VPS13B: variants seen among roughly 807,000 people sequenced by gnomAD.
VPS13B encodes the protein vacuolar protein sorting 13 homolog B, also known as intermembrane lipid transfer protein VPS13B.
VPS13B carries 285 observed loss-of-function variants against 426.4 expected under a neutral mutation model. The observed-to-expected ratio is 0.67, with a 90% CI of 0.61 to 0.74. The LOEUF (loss-of-function observed/expected upper bound fraction) is 0.74. Ranked by LOEUF, VPS13B falls within the 30% of genes least tolerant of loss-of-function variation. The probability of loss-of-function intolerance (pLI) is 0.00; values close to 1 mark genes in which losing one functional copy is unlikely to be tolerated. For synonymous variants in VPS13B, 1,676 were observed against 1,676.4 expected (o/e 1.00, Z 0.01); for missense variants, 4,537 against 4,782.6 (o/e 0.95, Z 1.51).
rs1428891598 is a variant in VPS13B, at chr8:99,717,332, A to G, written c.6616A>G (p.Ile2206Val). The stretch of plus-strand genomic sequence containing the variant: ...CGGGAATCCAGGCCCAGAACAATCC[A>G]TACCAAAAATATCCATTGACTTAAG... ...HSGNPGPEQS[I>V]PKISIDLRGG... Residue 2206 changes from isoleucine to valine, a missense_variant, in exon 37 of 62, where the codon ATA becomes GTA. By Grantham distance (29) the Ile-to-Val change is conservative (BLOSUM62 3). This residue lies in a region of VPS13B where 4,311 missense variants were observed against 4,474.3 expected (regional missense o/e 0.96). Coordinates refer to ENST00000357162, the MANE Select transcript of VPS13B (RefSeq NM_152564.5). 7.4e-6 allele frequency: 12 copies of G among 1,614,106 alleles called. No homozygotes were observed. Among genetic ancestry groups the G allele is most frequent in the Non-Finnish European group, 1.0e-5 (12 of 1,179,988 alleles).
intron 3 of VPS13B, among the ~76,000 whole-genome samples, chr8:99,083,123 C>A (rs1217043379): frequency 6.6e-6 from 1 of 152,106 alleles, no homozygotes; most frequent in Non-Finnish European, 1.5e-5. Context: ...TTGTTTGTAT[C>A]CTCTTTTATT....
intron 36 of VPS13B, among the ~76,000 whole-genome samples, chr8:99,707,695 A>T (rs1290591411): frequency 6.6e-6 from 1 of 152,200 alleles, no homozygotes; most frequent in African/African-American, 2.4e-5. Context: ...TACCTCATGG[A>T]CCACCATTAC....
chr8:99,855,561 A>C (rs1816503802), intron 56 of VPS13B, among the ~76,000 whole-genome samples: 1 of 152,176 alleles, frequency 6.6e-6, no homozygotes, highest in South Asian at 2.1e-4. Context: ...CTTTCCAATA[A>C]AGAACATGGA....
At chr8:99,120,607 A>G (rs1006281447) in intron 7 of VPS13B, 1 of 152,232 alleles carries the variant, frequency 6.6e-6, no homozygotes, top group African/African-American at 2.4e-5. Context: ...AGGCCCCAAC[A>G]TTATTATTTT....
At chr8:99,376,444 G>T (rs1813491976) in intron 19 of VPS13B, among the ~76,000 whole-genome samples, 1 of 152,016 alleles carries the variant, frequency 6.6e-6, no homozygotes, top group African/African-American at 2.4e-5. Flanking sequence ...TTTTAAGGCT[G>T]GCTGTAAGTC....
chr8:99,160,931 C>G (rs566873719), intron 15 of VPS13B, among the ~76,000 whole-genome samples: 6 of 152,070 alleles, frequency 3.9e-5, no homozygotes, highest in Non-Finnish European at 5.9e-5. Flanking sequence ...TTTTGCAAAG[C>G]CTTTTTTCTC....
chr8:99,643,893 T>G (rs894241543), intron 34 of VPS13B, among the ~76,000 whole-genome samples: 6 of 152,202 alleles, frequency 3.9e-5, no homozygotes. Flanking sequence ...GCTGGTATAG[T>G]GGAACATGTT....
At chr8:99,509,189 A>C (rs1167286264) in intron 28 of VPS13B, among the ~76,000 whole-genome samples, 1 of 152,114 alleles carries the variant, frequency 6.6e-6, no homozygotes, top group African/African-American at 2.4e-5. Flanking sequence ...ATCCTTCTCC[A>C]TCTGTTATTG....
At chr8:99,664,767 G>A (rs1339694013) in intron 35 of VPS13B, among the ~76,000 whole-genome samples, 18 of 152,034 alleles carry the variant, frequency 1.2e-4, no homozygotes, top group Non-Finnish European at 2.2e-4. Context: ...GAATAGTGCC[G>A]CAATAAACAT....
intron 17 of VPS13B, among the ~76,000 whole-genome samples, chr8:99,198,022 A>T (rs1242516131): frequency 2.6e-5 from 4 of 152,180 alleles, no homozygotes; most frequent in African/African-American, 7.2e-5. Flanking sequence ...GGTAAAATCC[A>T]CTTAATTACA....
chr8:99,755,029 C>T (rs192490572), intron 39 of VPS13B, among the ~76,000 whole-genome samples: 96 of 152,142 alleles, frequency 6.3e-4, no homozygotes, highest in African/African-American at 2.3e-3. Flanking sequence ...AAAGGAAAAA[C>T]GGGAATGAGA....
intron 17 of VPS13B, among the ~76,000 whole-genome samples, chr8:99,209,336 A>G (rs979317079): frequency 2.0e-5 from 3 of 151,950 alleles, no homozygotes; most frequent in Non-Finnish European, 4.4e-5. Flanking sequence ...TATACTACAC[A>G]ATTCCAAATT....
intron 30 of VPS13B, among the ~76,000 whole-genome samples, chr8:99,532,436 G>A (rs920678177): frequency 6.6e-6 from 1 of 152,058 alleles, no homozygotes; most frequent in Non-Finnish European, 1.5e-5. Flanking sequence ...CTTCTGAAAG[G>A]TGTACCCTGT....
At chr8:99,750,113 G>C (rs964301533) in intron 39 of VPS13B, among the ~76,000 whole-genome samples, 1 of 151,852 alleles carries the variant, frequency 6.6e-6, no homozygotes, top group Non-Finnish European at 1.5e-5. Flanking sequence ...TGTTTGAAAT[G>C]GTTTATATTT....
intron 19 of VPS13B, among the ~76,000 whole-genome samples, chr8:99,320,716 C>G (rs1001223397): frequency 5.3e-5 from 8 of 152,084 alleles, no homozygotes; most frequent in African/African-American, 1.9e-4. Flanking sequence ...AGTATTTTAT[C>G]CCAAATAGAT....
chr8:99,513,089 A>G (rs1821880795), intron 29 of VPS13B, among the ~76,000 whole-genome samples: 1 of 151,482 alleles, frequency 6.6e-6, no homozygotes, highest in Non-Finnish European at 1.5e-5. Flanking sequence ...GAAGTTTTAT[A>G]TCTAGATAAA....
At position 99,148,104 on chromosome 8, in the gene VPS13B, A is replaced by T. The variant is rs1351955723; in HGVS notation, c.2013+94A>T. ...ACTGAAAGAATATCTGCAGCCGGGC[A>T]CAGTGGCTTGAGTGTGTAATCCTGG... On this transcript the variant is annotated intron_variant, in intron 14 of 61. Coordinates refer to ENST00000357162, the MANE Select transcript of VPS13B (RefSeq NM_152564.5). 3.6e-6 allele frequency: 5 copies of T among 1,370,124 alleles called. No homozygotes were observed. The Admixed American group carries it at 7.1e-5, about 19-fold the overall frequency. The allele number at this position is 1,370,124 out of a possible 1,614,324, so 84.9% of individuals were successfully genotyped here.
intron 34 of VPS13B, among the ~76,000 whole-genome samples, chr8:99,658,152 A>G (rs1830088011): frequency 6.6e-6 from 1 of 152,212 alleles, no homozygotes; most frequent in Admixed American, 6.5e-5. Context: ...ATAGGAACAT[A>G]TATAATTACC....
intron 33 of VPS13B, among the ~76,000 whole-genome samples, chr8:99,629,555 C>T (rs920743779): frequency 4.0e-5 from 6 of 151,846 alleles, no homozygotes; most frequent in South Asian, 2.1e-4. Context: ...GAAGGCCTCT[C>T]GGAGGAAAAT....
Sources: allele counts gnomAD v4.1 joint callset (sites outside exome capture counted in the v4.1 genomes callset), GRCh38; gene constraint gnomAD v4.1.1; regional missense constraint gnomAD v4.1.1; transcripts MANE v1.5; gene names NCBI Gene and HGNC (gene_info 2026-07-23, HGNC 2026-07-21).